The following TYW1B variants were observed in gnomAD, a reference collection of about 807,000 sequenced individuals.
The protein encoded by TYW1B is tRNA-yW synthesizing protein 1 homolog B.
A neutral mutation model predicts 86.9 loss-of-function variants in TYW1B; 73 were observed. The ratio of observed to expected loss-of-function variants is 0.84; its 90% CI spans 0.70 to 1.02. The LOEUF is 1.02. Among genes scored for constraint, TYW1B ranks in the 50% least tolerant of loss-of-function variants. The pLI, the probability that TYW1B is intolerant of heterozygous loss-of-function variation, is 0.00. For synonymous variants in TYW1B, 248 were observed against 292.8 expected (o/e 0.85, Z 1.56); for missense variants, 637 against 827.4 (o/e 0.77, Z 2.82).
At chr7:72,810,758 A>G in intron 3 of TYW1B, 93 bp from the exon 4 acceptor site, 2 of 1,466,380 alleles carry the variant, frequency 1.4e-6, no homozygotes, top group Non-Finnish European at 1.8e-6. Context: ...CTCATCTCAA[A>G]GAACAAAGGG....
chr7:72,797,665 T>G (rs1363331872), intron 6 of TYW1B, among the ~76,000 whole-genome samples: 1 of 152,166 alleles, frequency 6.6e-6, no homozygotes, highest in Admixed American at 6.5e-5. Context: ...TGCAGTGAGC[T>G]GTGATCACAC....
intron 3 of TYW1B, among the ~76,000 whole-genome samples, chr7:72,815,168 A>T (rs1463149234): frequency 6.6e-6 from 1 of 151,714 alleles, no homozygotes; most frequent in African/African-American, 2.4e-5. Flanking sequence ...AATTTAACAC[A>T]CCTGAAGAAC....
intron 11 of TYW1B, among the ~76,000 whole-genome samples, chr7:72,659,758 A>G (rs1247865075): frequency 6.6e-6 from 1 of 152,186 alleles, no homozygotes; most frequent in Admixed American, 6.5e-5. Context: ...GAAGAAAAAA[A>G]CAATGAGAGC....
At chr7:72,689,874 G>A (rs539398192) in intron 11 of TYW1B, among the ~76,000 whole-genome samples, 31 of 152,088 alleles carry the variant, frequency 2.0e-4, no homozygotes, top group Non-Finnish European at 3.7e-4. Context: ...CTGATATAAG[G>A]TCAAATGTGA....
At chr7:72,741,106 T>C (rs1554462263) in intron 8 of TYW1B, among the ~76,000 whole-genome samples, 1 of 152,052 alleles carries the variant, frequency 6.6e-6, no homozygotes, top group Admixed American at 6.6e-5. Context: ...ATTCCCAGCA[T>C]GTATTAGCAA....
intron 11 of TYW1B, among the ~76,000 whole-genome samples, chr7:72,665,739 TCAGAAAA>T (rs1813447371): frequency 6.6e-6 from 1 of 152,200 alleles, no homozygotes; most frequent in African/African-American, 2.4e-5. Context: ...GTCTCTCCTA[TCAGAAAA>T]CAGGGGCCTT....
At chr7:72,741,026 G>C (rs558518840) in intron 8 of TYW1B, among the ~76,000 whole-genome samples, 1 of 152,004 alleles carries the variant, frequency 6.6e-6, no homozygotes, top group Non-Finnish European at 1.5e-5. Flanking sequence ...CACCATGCCA[G>C]GCCAAAATAT....
At chr7:72,607,006 A>C (rs1811816655) in intron 13 of TYW1B, among the ~76,000 whole-genome samples, 1 of 152,208 alleles carries the variant, frequency 6.6e-6, no homozygotes, top group African/African-American at 2.4e-5. Context: ...AAAGACAATC[A>C]AAAGATGCCA....
chr7:72,770,822 G>C (rs1203318197), intron 7 of TYW1B, among the ~76,000 whole-genome samples: 2 of 151,986 alleles, frequency 1.3e-5, no homozygotes, highest in East Asian at 3.9e-4. Flanking sequence ...GCATACTACT[G>C]AGCAATAAAA....
chr7:72,608,340 T>A (rs1373297262), intron 13 of TYW1B, among the ~76,000 whole-genome samples: 3 of 152,206 alleles, frequency 2.0e-5, no homozygotes, highest in Admixed American at 6.5e-5. Flanking sequence ...AAAATTGTAA[T>A]ATGATGCCAT....
At chr7:72,628,553 G>C (rs1339153949) in intron 12 of TYW1B, among the ~76,000 whole-genome samples, 1 of 152,130 alleles carries the variant, frequency 6.6e-6, no homozygotes, top group South Asian at 2.1e-4. Context: ...AAAGGTTTAT[G>C]TAAAAGTCAA....
At chr7:72,726,726 T>C (rs1445846387) in intron 9 of TYW1B, among the ~76,000 whole-genome samples, 1 of 152,142 alleles carries the variant, frequency 6.6e-6, no homozygotes, top group Non-Finnish European at 1.5e-5. Context: ...ATGACTTTTC[T>C]CCATTTCTCA....
At chr7:72,633,062 T>C (rs1161124172) in intron 11 of TYW1B, among the ~76,000 whole-genome samples, 1 of 152,230 alleles carries the variant, frequency 6.6e-6, no homozygotes, top group Non-Finnish European at 1.5e-5. Context: ...AAGATAGCCT[T>C]CTTGTGCATT....
intron 13 of TYW1B, among the ~76,000 whole-genome samples, chr7:72,599,889 A>G (rs1811618057): frequency 6.6e-6 from 1 of 152,194 alleles, no homozygotes; most frequent in Non-Finnish European, 1.5e-5. Context: ...ATATTTCAGT[A>G]AATGGCAGGA....
At chr7:72,735,273 T>C (rs1421557929) in intron 8 of TYW1B, among the ~76,000 whole-genome samples, 1 of 152,082 alleles carries the variant, frequency 6.6e-6, no homozygotes, top group African/African-American at 2.4e-5. Context: ...TATTTAGCCC[T>C]ATAAAAAAGA....
At chr7:72,625,931 G>A (rs868911242) in intron 12 of TYW1B, among the ~76,000 whole-genome samples, 3,139 of 134,176 alleles carry the variant, frequency 0.023, 10 homozygotes, top group Middle Eastern at 0.038. Flanking sequence ...AATGAAAAAA[G>A]GGGAGATCCA....
rs545581470 is a variant in TYW1B, at chr7:72,756,863, A to G, written c.965-12262T>C. ...GACGTTTCTCTAAGGAAGATATACA[A>G]ACATCCAATTTGCAAGTGAAAAGAT... On this transcript the variant is annotated intron_variant, in intron 7 of 13. Coordinates refer to ENST00000620995, the MANE Select transcript of TYW1B (RefSeq NM_001145440.3). Among the ~76,000 whole-genome samples the G allele has an allele frequency of 1.1e-4, 17 of 152,310 alleles. No homozygotes were observed. The East Asian group carries it at 3.3e-3, about 29-fold the overall frequency.
chr7:72,806,054 T>C (rs1297878593), intron 5 of TYW1B, among the ~76,000 whole-genome samples: 3 of 151,892 alleles, frequency 2.0e-5, no homozygotes, highest in Non-Finnish European at 4.4e-5. Context: ...TCAGTTTGAG[T>C]GACTAATGGA....
At chr7:72,599,070 G>A (rs1189635189) in intron 13 of TYW1B, among the ~76,000 whole-genome samples, 5 of 152,284 alleles carry the variant, frequency 3.3e-5, no homozygotes, top group African/African-American at 1.2e-4. Context: ...ACCAAAATGA[G>A]ATAAAGATAC....
Sources: allele counts gnomAD v4.1 joint callset (sites outside exome capture counted in the v4.1 genomes callset), GRCh38; gene constraint gnomAD v4.1.1; transcripts MANE v1.5; gene names NCBI Gene and HGNC (gene_info 2026-07-23, HGNC 2026-07-21).